GLRA1: variants seen among roughly 807,000 people sequenced by gnomAD.
GLRA1 encodes the protein glycine receptor subunit alpha-1.
A neutral mutation model predicts 48.3 loss-of-function variants in GLRA1; 37 were observed. The ratio of observed to expected loss-of-function variants is 0.77; its 90% CI spans 0.59 to 1.01. The LOEUF is 1.01. Among genes scored for constraint, GLRA1 ranks in the 50% least tolerant of loss-of-function variants. The probability of loss-of-function intolerance (pLI) is 0.00; values close to 1 mark genes in which losing one functional copy is unlikely to be tolerated. For missense variants in GLRA1, 427 were observed against 571.0 expected (o/e 0.75, Z 2.57); for synonymous variants, 196 against 210.7 (o/e 0.93, Z 0.60).
chr5:151,859,201 A>T (rs1321900113), intron 4 of GLRA1, among the ~76,000 whole-genome samples: 1 of 152,216 alleles, frequency 6.6e-6, no homozygotes, highest in African/African-American at 2.4e-5. Context: ...CATTTTCCTT[A>T]TGCCTTAGGA....
intron 3 of GLRA1, among the ~76,000 whole-genome samples, chr5:151,880,931 A>T (rs1455844537): frequency 6.6e-6 from 1 of 152,254 alleles, no homozygotes; most frequent in Non-Finnish European, 1.5e-5. Context: ...CATCTCCTAC[A>T]TGTATGCAAA....
chr5:151,895,592 T>C (rs991140031), intron 1 of GLRA1, among the ~76,000 whole-genome samples: 1 of 151,740 alleles, frequency 6.6e-6, no homozygotes, highest in Non-Finnish European at 1.5e-5. Context: ...ACTCAATACA[T>C]TGTTTTTCTC....
chr5:151,865,666 T>A (rs1318410456), intron 3 of GLRA1, among the ~76,000 whole-genome samples: 2 of 152,238 alleles, frequency 1.3e-5, no homozygotes, highest in African/African-American at 4.8e-5. Flanking sequence ...GTAAAAAATT[T>A]ATGTTTTAGA....
intron 4 of GLRA1, among the ~76,000 whole-genome samples, chr5:151,857,856 G>A (rs1753088924): frequency 6.6e-6 from 1 of 152,212 alleles, no homozygotes; most frequent in Non-Finnish European, 1.5e-5. Context: ...AGAGCCCAAA[G>A]AGCCTTAGAT....
At chr5:151,850,296 C>T in intron 7 of GLRA1, 2 of 1,602,638 alleles carry the variant, frequency 1.2e-6, no homozygotes, top group Non-Finnish European at 8.5e-7. Flanking sequence ...TCAAACCGGA[C>T]CCTGTGAAAG....
At chr5:151,898,428 A>G (rs1754277292) in intron 1 of GLRA1, among the ~76,000 whole-genome samples, 1 of 152,212 alleles carries the variant, frequency 6.6e-6, no homozygotes, top group Non-Finnish European at 1.5e-5. Flanking sequence ...GGGAATCAAT[A>G]TAAAGCTGTC....
At chr5:151,873,657 C>T (rs1436155681) in intron 3 of GLRA1, among the ~76,000 whole-genome samples, 3 of 131,272 alleles carry the variant, frequency 2.3e-5, no homozygotes, top group Non-Finnish European at 3.2e-5. Flanking sequence ...CAGAGTGACA[C>T]TTTGTCTCAA....
chr5:151,911,431 C>A (rs569495510), intron 1 of GLRA1, among the ~76,000 whole-genome samples: 1 of 152,084 alleles, frequency 6.6e-6, no homozygotes, highest in Non-Finnish European at 1.5e-5. Flanking sequence ...TGCCCTCTCC[C>A]TTTTAATACT....
At chr5:151,886,539 G>A (rs898626230) in intron 3 of GLRA1, among the ~76,000 whole-genome samples, 182 bp downstream of exon 3, 10 of 152,188 alleles carry the variant, frequency 6.6e-5, no homozygotes, top group African/African-American at 2.4e-4. Flanking sequence ...CAGATATTAT[G>A]TATTCACTCA....
chr5:151,843,930 G>A (rs1201723146), intron 7 of GLRA1, among the ~76,000 whole-genome samples: 4 of 152,190 alleles, frequency 2.6e-5, no homozygotes, highest in African/African-American at 9.7e-5. Context: ...AGCACTTTGG[G>A]AGGCCAAGGC....
intron 3 of GLRA1, among the ~76,000 whole-genome samples, chr5:151,872,587 TG>T (rs1227003249): frequency 2.0e-5 from 3 of 149,854 alleles, no homozygotes; most frequent in African/African-American, 7.7e-5. Context: ...TGCACAAGAA[TG>T]CTCATTGTAG....
chr5:151,905,575 A>G (rs1424034834), intron 1 of GLRA1, among the ~76,000 whole-genome samples: 2 of 152,186 alleles, frequency 1.3e-5, no homozygotes, highest in African/African-American at 2.4e-5. Flanking sequence ...TTCATGTCCT[A>G]GAAGCAAAAT....
chr5:151,909,433 C>T (rs1754554856), intron 1 of GLRA1, among the ~76,000 whole-genome samples: 1 of 152,210 alleles, frequency 6.6e-6, no homozygotes, highest in African/African-American at 2.4e-5. Flanking sequence ...AGGCCTTGCT[C>T]AGAACTGACA....
chr5:151,898,314 AT>A (rs1012099536), intron 1 of GLRA1, among the ~76,000 whole-genome samples: 1 of 150,936 alleles, frequency 6.6e-6, no homozygotes, highest in Non-Finnish European at 1.5e-5. Flanking sequence ...TAGTCTCAAG[AT>A]TTTTTTCTCC....
intron 7 of GLRA1, among the ~76,000 whole-genome samples, chr5:151,844,029 G>A (rs7726975): frequency 0.039 from 5,921 of 152,168 alleles, 376 homozygotes; most frequent in African/African-American, 0.13. Flanking sequence ...AATTAGCCAG[G>A]TGTGGTGGTG....
chr5:151,871,986 A>G (rs1315427145), intron 3 of GLRA1, among the ~76,000 whole-genome samples: 1 of 149,898 alleles, frequency 6.7e-6, no homozygotes, highest in Non-Finnish European at 1.5e-5. Flanking sequence ...TCTACCAGAC[A>G]TAGAAATATA....
chr5:151,852,067 C>T (rs1752927258), intron 6 of GLRA1, among the ~76,000 whole-genome samples: 1 of 152,150 alleles, frequency 6.6e-6, no homozygotes, highest in Non-Finnish European at 1.5e-5. Context: ...CTTCTTTCCT[C>T]ATACAAGGCA....
At chr5:151,831,785 A>G (rs1162367229) in intron 7 of GLRA1, among the ~76,000 whole-genome samples, 1 of 152,230 alleles carries the variant, frequency 6.6e-6, no homozygotes, top group Non-Finnish European at 1.5e-5. Flanking sequence ...CTCCCAGCAC[A>G]GCACTCGAGC....
At chr5:151,911,302 G>A (rs1437595526) in intron 1 of GLRA1, among the ~76,000 whole-genome samples, 2 of 152,170 alleles carry the variant, frequency 1.3e-5, no homozygotes, top group African/African-American at 4.8e-5. Flanking sequence ...TCCAGACAGA[G>A]TTAATCAGGC....
Sources: gnomAD v4.1 joint callset for allele counts (sites outside exome capture counted in the v4.1 genomes callset) on GRCh38, gnomAD v4.1.1 for gene constraint, MANE v1.5 for transcripts, NCBI Gene and HGNC (gene_info 2026-07-23, HGNC 2026-07-21) for gene names.